Variants in LDLRAD4 observed in about 807,000 individuals in gnomAD.
The protein encoded by LDLRAD4 is low-density lipoprotein receptor class A domain-containing protein 4.
In LDLRAD4, 5 loss-of-function variants were observed where a neutral mutation model predicts 17.0. The observed-to-expected ratio is 0.29, with a 90% CI of 0.15 to 0.62. The LOEUF (loss-of-function observed/expected upper bound fraction) is 0.62. LDLRAD4 is among the 20% of genes least tolerant of loss of function. The pLI, the probability that LDLRAD4 is intolerant of heterozygous loss-of-function variation, is 0.84. For missense variants in LDLRAD4, 340 were observed against 424.7 expected (o/e 0.80, Z 1.75); for synonymous variants, 168 against 171.8 (o/e 0.98, Z 0.17).
At chr18:13,352,774 C>G (rs2083121911) in intron 1 of LDLRAD4, among the ~76,000 whole-genome samples, 1 of 152,076 alleles carries the variant, frequency 6.6e-6, no homozygotes, top group East Asian at 1.9e-4. Context: ...TTTCTTCATT[C>G]TTTTTTCTTT....
chr18:13,253,275 C>T (rs935667667), intron 1 of LDLRAD4, among the ~76,000 whole-genome samples: 7 of 152,128 alleles, frequency 4.6e-5, no homozygotes, highest in Admixed American at 6.5e-5. Flanking sequence ...GACCCTCGCC[C>T]GGAGCCTTGC....
chr18:13,642,055 C>T, intron 4 of LDLRAD4: 1 of 985,444 alleles, frequency 1.0e-6, no homozygotes, highest in Non-Finnish European at 1.2e-6. Flanking sequence ...TCTGTGCCTG[C>T]CAGGCCGGGC....
chr18:13,334,974 A>T (rs2082037047), intron 1 of LDLRAD4, among the ~76,000 whole-genome samples: 1 of 152,162 alleles, frequency 6.6e-6, no homozygotes, highest in South Asian at 2.1e-4. Context: ...TATGACAATT[A>T]TGTTTTATCT....
upstream of LDLRAD4, among the ~76,000 whole-genome samples, chr18:13,277,705 G>A (rs750231137): frequency 7.9e-5 from 12 of 152,222 alleles, no homozygotes; most frequent in Non-Finnish European, 1.6e-4. Context: ...CTGGATTGTC[G>A]TGAAAGAAGA....
intron 3 of LDLRAD4, chr18:13,520,339 A>C (rs577237356): frequency 6.6e-6 from 1 of 152,362 alleles, no homozygotes; most frequent in East Asian, 1.9e-4. Context: ...TAGAATAACC[A>C]TCACCCTAGA....
intron 2 of LDLRAD4, chr18:13,426,261 T>C (rs987527767): frequency 1.4e-4 from 22 of 152,238 alleles, no homozygotes; most frequent in African/African-American, 4.8e-4. Flanking sequence ...AGAAATATTC[T>C]CTTTTTGGTT....
At chr18:13,517,344 A>G (rs1327069237) in intron 3 of LDLRAD4, among the ~76,000 whole-genome samples, 1 of 152,134 alleles carries the variant, frequency 6.6e-6, no homozygotes, top group South Asian at 2.1e-4. Context: ...TAACTGGATG[A>G]CTCCCCATGT....
exon 6 of LDLRAD4, chr18:13,652,519 C>G (rs555212014): frequency 6.5e-6 from 1 of 152,758 alleles, no homozygotes; most frequent in Admixed American, 6.5e-5. Context: ...TTCGTGCTTA[C>G]TTTTCAACAT....
chr18:13,428,226 TG>T (rs1194450090), intron 2 of LDLRAD4, among the ~76,000 whole-genome samples: 1 of 152,044 alleles, frequency 6.6e-6, no homozygotes, highest in Non-Finnish European at 1.5e-5. Context: ...GCCGGGAGTC[TG>T]GGAGGTGAGA....
At chr18:13,554,820 T>TC (rs1406408781) in intron 3 of LDLRAD4, among the ~76,000 whole-genome samples, 1 of 152,178 alleles carries the variant, frequency 6.6e-6, no homozygotes, top group South Asian at 2.1e-4. Flanking sequence ...TAACCCTGGC[T>TC]CCTGACATGC....
At chr18:13,255,169 G>A (rs1598925710) in intron 1 of LDLRAD4, among the ~76,000 whole-genome samples, 1 of 152,332 alleles carries the variant, frequency 6.6e-6, no homozygotes, top group South Asian at 2.1e-4. Flanking sequence ...TGTGTGCTGG[G>A]CACAGGGGCT....
chr18:13,441,375 A>G (rs2091010944), intron 3 of LDLRAD4, among the ~76,000 whole-genome samples: 1 of 152,138 alleles, frequency 6.6e-6, no homozygotes, highest in Non-Finnish European at 1.5e-5. Flanking sequence ...CTCCACCTGG[A>G]CGGAATCAGA....
chr18:13,267,990 G>T (rs57268406), intron 1 of LDLRAD4, among the ~76,000 whole-genome samples: 32,270 of 152,136 alleles, frequency 0.21, 3,940 homozygotes, highest in Admixed American at 0.35. Flanking sequence ...CCCCTCTGTA[G>T]TAGCTGGGAC....
intron 1 of LDLRAD4, among the ~76,000 whole-genome samples, chr18:13,226,682 G>A (rs965937464): frequency 1.4e-5 from 2 of 147,708 alleles, no homozygotes; most frequent in Non-Finnish European, 3.0e-5. Context: ...CAGTAGGTGG[G>A]GTAAGACCTT....
intron 3 of LDLRAD4, among the ~76,000 whole-genome samples, chr18:13,509,041 GC>G (rs1295553442): frequency 3.3e-5 from 5 of 152,192 alleles, no homozygotes; most frequent in African/African-American, 1.2e-4. Context: ...AGTGGCTCAT[GC>G]CTGTAATTCC....
chr18:13,382,160 A>G (rs764097831), intron 1 of LDLRAD4, among the ~76,000 whole-genome samples: 1 of 152,226 alleles, frequency 6.6e-6, no homozygotes, highest in Non-Finnish European at 1.5e-5. Flanking sequence ...TTTATGCACT[A>G]CGGTTTTTTG....
chr18:13,438,733 G>A (rs1600271209), intron 3 of LDLRAD4, among the ~76,000 whole-genome samples: 1 of 152,156 alleles, frequency 6.6e-6, no homozygotes, highest in Non-Finnish European at 1.5e-5. Flanking sequence ...TATGTGGAAG[G>A]TACATAATTA....
intron 1 of LDLRAD4, among the ~76,000 whole-genome samples, chr18:13,284,188 A>G (rs1183918626): frequency 6.6e-6 from 1 of 152,200 alleles, no homozygotes; most frequent in Non-Finnish European, 1.5e-5. Flanking sequence ...CCTTGTTCAT[A>G]GTTTGGATTA....
chr18:13,235,133 C>T (rs192768966), intron 1 of LDLRAD4: 1 of 152,034 alleles, frequency 6.6e-6, no homozygotes, highest in East Asian at 1.9e-4. Context: ...TGCCTGTATT[C>T]CCAGCTACTT....
Sources: allele counts gnomAD v4.1 joint callset (sites outside exome capture counted in the v4.1 genomes callset), GRCh38; gene constraint gnomAD v4.1.1; transcripts MANE v1.5; gene names NCBI Gene and HGNC (gene_info 2026-07-23, HGNC 2026-07-21).